ETS1: variants seen among roughly 807,000 people sequenced by gnomAD.
The protein encoded by ETS1 is ETS proto-oncogene 1, transcription factor, also known as protein C-ets-1.
A neutral mutation model predicts 58.6 loss-of-function variants in ETS1; 15 were observed. The observed-to-expected ratio is 0.26, with a 90% CI of 0.17 to 0.39. The LOEUF (loss-of-function observed/expected upper bound fraction) is 0.39. Among genes scored for constraint, ETS1 ranks in the 10% least tolerant of loss-of-function variants. ETS1 has a pLI of 1.00. For missense variants in ETS1, 417 were observed against 610.5 expected (o/e 0.68, Z 3.34); for synonymous variants, 214 against 218.2 (o/e 0.98, Z 0.17).
intron 8 of ETS1, among the ~76,000 whole-genome samples, chr11:128,476,465 T>C (rs1360077165): frequency 6.6e-6 from 1 of 152,274 alleles, no homozygotes; most frequent in Non-Finnish European, 1.5e-5. Flanking sequence ...ATTCAGAAGC[T>C]ACCTCTGTGC....
At chr11:128,566,291 A>C (rs563708855) in intron 2 of ETS1, among the ~76,000 whole-genome samples, 2 of 152,286 alleles carry the variant, frequency 1.3e-5, no homozygotes, top group South Asian at 4.1e-4. Context: ...TCAAAAAGTG[A>C]AGAATAGAAA....
intron 6 of ETS1, among the ~76,000 whole-genome samples, chr11:128,485,768 C>T (rs1343709298): frequency 6.6e-6 from 1 of 152,038 alleles, no homozygotes; most frequent in Non-Finnish European, 1.5e-5. Context: ...TCGTAGTGCA[C>T]AGTATCAAAT....
intron 1 of ETS1, among the ~76,000 whole-genome samples, chr11:128,585,892 C>T (rs1159291114): frequency 2.0e-5 from 3 of 152,206 alleles, no homozygotes; most frequent in African/African-American, 7.2e-5. Context: ...TCTGACCCCA[C>T]TTGCCTTTGA....
intron 8 of ETS1, among the ~76,000 whole-genome samples, chr11:128,473,033 GA>G (rs894084498): frequency 1.2e-4 from 18 of 147,650 alleles, no homozygotes; most frequent in South Asian, 4.3e-4. Flanking sequence ...CCTCTAAAAA[GA>G]AAAAAAAAAG....
chr11:128,516,365 A>T (rs936729391), intron 3 of ETS1, among the ~76,000 whole-genome samples: 1 of 152,242 alleles, frequency 6.6e-6, no homozygotes, highest in Non-Finnish European at 1.5e-5. Context: ...TAGACCTAGA[A>T]TACTGCAAAC....
At chr11:128,483,065 C>CT (rs1460130216) in intron 7 of ETS1, among the ~76,000 whole-genome samples, 27 of 152,216 alleles carry the variant, frequency 1.8e-4, no homozygotes, top group African/African-American at 5.8e-4. Context: ...TCAATTGGCC[C>CT]TTTGCATAGG....
Position 128,577,294 on chromosome 11 carries a change from T to C in ETS1, c.-14-4150A>G, listed in dbSNP as rs959944783. On this transcript the variant is annotated intron_variant, in intron 1 of 9. Coordinates refer to ENST00000392668, the MANE Select transcript of ETS1 (RefSeq NM_001143820.2). ...AATAATCAGTTTGTTTCATGATCCA[T>C]TTCTAAGGGAAAACCGTTTCCTTCT... Among the ~76,000 whole-genome samples, 9 of 152,226 alleles carry C rather than the reference T, an allele frequency of 5.9e-5. No individual in the cohort carries two copies. The East Asian group carries it at 1.7e-3, about 29-fold the overall frequency.
intron 3 of ETS1, chr11:128,530,338 A>G (rs1231351761): frequency 1.3e-5 from 2 of 152,244 alleles, no homozygotes; most frequent in African/African-American, 4.8e-5. Flanking sequence ...ATTGGCTCCC[A>G]TACAATAAAA....
intron 5 of ETS1, among the ~76,000 whole-genome samples, chr11:128,488,715 A>C (rs1448237871): frequency 6.6e-6 from 1 of 152,162 alleles, no homozygotes; most frequent in Non-Finnish European, 1.5e-5. Context: ...CTGTTAGGGG[A>C]GGCCATGTCA....
intron 3 of ETS1, among the ~76,000 whole-genome samples, chr11:128,532,697 G>A (rs1863916319): frequency 6.6e-6 from 1 of 151,952 alleles, no homozygotes; most frequent in Non-Finnish European, 1.5e-5. Flanking sequence ...GGTTTGGGCA[G>A]TGATCCTGCA....
At chr11:128,584,494 C>T (rs11221367) in intron 1 of ETS1, among the ~76,000 whole-genome samples, 10,469 of 152,166 alleles carry the variant, frequency 0.069, 523 homozygotes, top group South Asian at 0.14. Context: ...CTCAAAACTT[C>T]ATTGTAGATT....
chr11:128,460,625 T>C lies in ETS1; in HGVS notation c.*1736A>G, dbSNP rs4937333. On this transcript the variant is annotated 3_prime_UTR_variant, in exon 10 of 10. Transcript: ENST00000392668. ...AGATTCTAATTGTATTAGGCACTTT[T>C]CCTCACTAGTTAGATGTTGACTTTT... The C allele has an allele frequency of 0.46, 69,751 of 152,158 alleles. 17,028 individuals are homozygous for C. Among genetic ancestry groups the C allele is most frequent in the Middle Eastern group, 0.62 (181 of 294 alleles). 9.4% of individuals were successfully genotyped at this position (152,158 alleles called of 1,614,324 possible).
At chr11:128,563,623 C>G (rs1183211209) in intron 2 of ETS1, among the ~76,000 whole-genome samples, 1 of 152,220 alleles carries the variant, frequency 6.6e-6, no homozygotes, top group African/African-American at 2.4e-5. Context: ...ATTGGATAAA[C>G]AGCCACACCA....
At chr11:128,523,997 T>C (rs1863753130) in intron 3 of ETS1, among the ~76,000 whole-genome samples, 1 of 152,140 alleles carries the variant, frequency 6.6e-6, no homozygotes, top group African/African-American at 2.4e-5. Flanking sequence ...AAATCTAGAG[T>C]TGCTTTGGGG....
intron 1 of ETS1, among the ~76,000 whole-genome samples, chr11:128,585,084 AAGAAAGG>A (rs1565421406): frequency 8.7e-5 from 3 of 34,584 alleles, no homozygotes; most frequent in Non-Finnish European, 1.0e-4. Context: ...AAGAGAAAGA[AAGAAAGG>A]AAAGAAAGAA....
intron 3 of ETS1, chr11:128,527,116 A>G: frequency 2.7e-6 from 1 of 365,674 alleles, no homozygotes; most frequent in South Asian, 2.0e-5. Context: ...CTCAATTTCT[A>G]GAAATCCAAC....
At chr11:128,571,803 G>C (rs1418037050) in intron 2 of ETS1, 1 of 152,160 alleles carries the variant, frequency 6.6e-6, no homozygotes, top group Non-Finnish European at 1.5e-5. Flanking sequence ...AGCACTTTGG[G>C]AGGCAGAGGT....
intron 3 of ETS1, chr11:128,527,089 G>A (rs1863815040): frequency 5.2e-6 from 2 of 384,648 alleles, no homozygotes; most frequent in South Asian, 1.9e-5. Flanking sequence ...GGACATGGGA[G>A]TAGATAGATG....
intron 9 of ETS1, among the ~76,000 whole-genome samples, 185 bp from the exon 10 acceptor site, chr11:128,462,761 A>T (rs138144288): frequency 6.6e-6 from 1 of 151,856 alleles, no homozygotes; most frequent in African/African-American, 2.4e-5. Context: ...TCCATTTTTC[A>T]TGGGTTGGGC....
Sources: allele counts gnomAD v4.1 joint callset (sites outside exome capture counted in the v4.1 genomes callset), GRCh38; gene constraint gnomAD v4.1.1; transcripts MANE v1.5; gene names NCBI Gene and HGNC (gene_info 2026-07-23, HGNC 2026-07-21).